The following PCNX2 variants were observed in gnomAD, a reference collection of about 807,000 sequenced individuals.
PCNX2 encodes pecanex-like protein 2.
Under a neutral mutation model 223.8 loss-of-function variants are expected in PCNX2, and 168 were observed. The ratio of observed to expected loss-of-function variants is 0.75; its 90% CI spans 0.66 to 0.85. PCNX2 has a LOEUF of 0.85. PCNX2 is among the 40% of genes least tolerant of loss of function. PCNX2 has a pLI of 0.00. For missense variants in PCNX2, 2,507 were observed against 2,675.5 expected, an observed-to-expected ratio of 0.94 and a Z score of 1.39; for synonymous variants, 1,006 against 1,052.6, an observed-to-expected ratio of 0.96 and a Z score of 0.86.
intron 9 of PCNX2, among the ~76,000 whole-genome samples, chr1:233,228,110 A>G (rs1408693187): frequency 6.6e-6 from 1 of 152,174 alleles, no homozygotes; most frequent in Non-Finnish European, 1.5e-5. Context: ...TGGTAATAGA[A>G]TGTGTTTAGT....
At position 233,259,079 on chromosome 1, in the gene PCNX2, C is replaced by T; in HGVS notation, c.783G>A (p.Leu261=). 1 of 1,613,996 alleles carries T rather than the reference C, an allele frequency of 6.2e-7. No homozygotes were observed. Among genetic ancestry groups the T allele is most frequent in the Non-Finnish European group, 8.5e-7 (1 of 1,179,886 alleles). The change falls in exon 5 of 34, where the codon TTG becomes TTA. Residue 261 remains leucine, a synonymous_variant. Transcript: ENST00000258229. ...CTGTTTCTAGTAAGTCATACTGAGA[C>T]AAAGACAGGTGGGGCAACTTCTTCA... The part of the protein sequence containing the change: ...GPLKKLPHLS[L]SQYDLLETDV...
intron 23 of PCNX2, among the ~76,000 whole-genome samples, chr1:233,078,328 A>ACCCTCACT (rs1221677796): frequency 1.3e-5 from 2 of 152,214 alleles, no homozygotes; most frequent in Admixed American, 6.5e-5. Flanking sequence ...TGGGGATTAA[A>ACCCTCACT]CCCTCACTGT....
At chr1:233,092,640 C>T (rs1673928241) in intron 22 of PCNX2, among the ~76,000 whole-genome samples, 1 of 152,044 alleles carries the variant, frequency 6.6e-6, no homozygotes, top group African/African-American at 2.4e-5. Flanking sequence ...ACTGGCAAGG[C>T]AGTACCAAGA....
intron 26 of PCNX2, among the ~76,000 whole-genome samples, chr1:233,024,353 C>T (rs1290693582): frequency 6.6e-6 from 1 of 152,206 alleles, no homozygotes. Context: ...TGGCCTCCGA[C>T]GGATGAGCTT....
At chr1:233,221,809 A>G (rs1476117891) in intron 10 of PCNX2, among the ~76,000 whole-genome samples, 12 of 152,224 alleles carry the variant, frequency 7.9e-5, no homozygotes, top group South Asian at 4.1e-4. Context: ...GAAAGAATAA[A>G]GATTACTCCA....
rs1680580714 is a variant in PCNX2, at chr1:233,194,123, AAGAC to A, written c.3066+4812_3066+4815del. 4.0e-5 allele frequency among the ~76,000 whole-genome samples: 6 copies of A among 151,836 alleles called. No individual in the cohort carries two copies. In the South Asian group the frequency reaches 1.2e-3, roughly 31 times the overall value. On this transcript the variant is annotated intron_variant, in intron 15 of 33. Transcript: ENST00000258229. ...CAGCATTGTCAAATGGCTGAAAACAAAGACAGAGAAAATCTTAAAGGCAGTCAGA... is the reference window on the plus strand; with the variant it reads ...CAGCATTGTCAAATGGCTGAAAACAAAGAGAAAATCTTAAAGGCAGTCAGA...
At chr1:233,177,990 T>G in intron 16 of PCNX2, 92 bp from the exon 17 acceptor site, 2 of 912,094 alleles carry the variant, frequency 2.2e-6, no homozygotes, top group Non-Finnish European at 3.4e-6. Context: ...CACCCACACA[T>G]GACAAAAACA....
At chr1:233,170,937 C>T (rs997748246) in intron 17 of PCNX2, among the ~76,000 whole-genome samples, 9 of 152,164 alleles carry the variant, frequency 5.9e-5, no homozygotes, top group Non-Finnish European at 1.0e-4. Context: ...AGCCCTCATC[C>T]GAAAATCCGA....
intron 15 of PCNX2, among the ~76,000 whole-genome samples, chr1:233,190,003 A>T (rs1031434217): frequency 6.6e-6 from 1 of 152,186 alleles, no homozygotes; most frequent in African/African-American, 2.4e-5. Flanking sequence ...AAGAGGAATC[A>T]AATTTTCTTT....
intron 10 of PCNX2, among the ~76,000 whole-genome samples, chr1:233,223,957 C>T (rs893063633): frequency 5.3e-5 from 8 of 152,158 alleles, no homozygotes; most frequent in Admixed American, 2.6e-4. Flanking sequence ...AGTGCCCTTC[C>T]CTCTCAGGTC....
intron 20 of PCNX2, among the ~76,000 whole-genome samples, chr1:233,138,572 A>C (rs922034534): frequency 5.3e-5 from 8 of 152,180 alleles, no homozygotes; most frequent in Non-Finnish European, 1.0e-4. Context: ...GCCTTAGAGA[A>C]GCTCACAAAG....
At chr1:233,036,528 G>T (rs1324880277) in intron 25 of PCNX2, among the ~76,000 whole-genome samples, 1 of 151,936 alleles carries the variant, frequency 6.6e-6, no homozygotes, top group Non-Finnish European at 1.5e-5. Context: ...TATTTGGGAG[G>T]CTGAGGCAGG....
intron 21 of PCNX2, among the ~76,000 whole-genome samples, chr1:233,122,581 T>A (rs992532120): frequency 1.3e-5 from 2 of 151,386 alleles, no homozygotes; most frequent in Admixed American, 1.3e-4. Context: ...TGGAGTGCAA[T>A]GGCATGATCT....
chr1:233,002,066 A>G (rs1318077775), intron 28 of PCNX2, among the ~76,000 whole-genome samples: 1 of 152,204 alleles, frequency 6.6e-6, no homozygotes, highest in African/African-American at 2.4e-5. Context: ...CGATGATGCT[A>G]ACCGTGGAGT....
rs79149797 is a variant in PCNX2, at chr1:232,992,337, C to T, written c.5792-5797G>A. Reference sequence around the variant, plus strand: ...CCCCTGCTGGCTGCTTCAGAAAGAACTGGGTGTCAGCTTTGCCTGCTCGTG... The same window carrying T: ...CCCCTGCTGGCTGCTTCAGAAAGAATTGGGTGTCAGCTTTGCCTGCTCGTG... On this transcript the variant is annotated intron_variant, in intron 32 of 33. Transcript: ENST00000258229. Among the ~76,000 whole-genome samples the T allele has an allele frequency of 7.4e-3, 1,131 of 152,352 alleles. 15 individuals carry two copies. Among genetic ancestry groups the T allele is most frequent in the African/African-American group, 0.025 (1,031 of 41,578 alleles).
At chr1:233,297,619 A>C (rs74941771), upstream of PCNX2, among the ~76,000 whole-genome samples, 1,978 of 152,280 alleles carry the variant, frequency 0.013, 45 homozygotes, top group African/African-American at 0.044. Flanking sequence ...GGAGCATGGC[A>C]ATTTGGGGAA....
the PCNX2 span, among the ~76,000 whole-genome samples, chr1:233,321,322 G>T: frequency 6.6e-6 from 1 of 151,936 alleles, no homozygotes; most frequent in African/African-American, 2.4e-5. Context: ...TTTTGAGACA[G>T]CGTCTTGCTC....
At chr1:233,067,835 T>G (rs1295239031) in intron 23 of PCNX2, among the ~76,000 whole-genome samples, 3 of 152,048 alleles carry the variant, frequency 2.0e-5, no homozygotes, top group Non-Finnish European at 2.9e-5. Context: ...AAAAGAATCA[T>G]TGAACTGGAA....
At chr1:233,272,763 A>T (rs1660709671) in intron 1 of PCNX2, among the ~76,000 whole-genome samples, 1 of 152,232 alleles carries the variant, frequency 6.6e-6, no homozygotes, top group Admixed American at 6.5e-5. Flanking sequence ...TCAATCAATG[A>T]GTGGATAAAG....
Sources: allele counts gnomAD v4.1 joint callset (sites outside exome capture counted in the v4.1 genomes callset), GRCh38; gene constraint gnomAD v4.1.1; transcripts MANE v1.5; gene names NCBI Gene and HGNC (gene_info 2026-07-23, HGNC 2026-07-21).